The following FCSK variants were observed in gnomAD, a reference collection of about 807,000 sequenced individuals.
FCSK encodes fucose kinase, also known as L-fucose kinase.
In FCSK, 123 loss-of-function variants were observed where a neutral mutation model predicts 122.5. The observed-to-expected ratio is 1.00, with a 90% CI of 0.87 to 1.17. The LOEUF is 1.17. FCSK is among the 50% of genes most tolerant of loss of function. FCSK has a pLI of 0.00. For synonymous variants in FCSK, 620 were observed against 625.5 expected (o/e 0.99, Z 0.13); for missense variants, 1,366 against 1,450.4 (o/e 0.94, Z 0.95).
rs777607374 is a variant in FCSK at position 70,478,576 on chromosome 16, G to T, written c.2855G>T (p.Arg952Leu). 3 of 1,613,742 alleles carry T rather than the reference G, an allele frequency of 1.9e-6. No homozygotes were observed. In the South Asian group the frequency reaches 3.3e-5, roughly 18 times the overall value. Reference sequence around the variant, plus strand: ...GATGTGCTGAGGAGCTGGTATGCCCGACTTCCTGCTGTGGTGCAGAATGCC... The same window carrying T: ...GATGTGCTGAGGAGCTGGTATGCCCTACTTCCTGCTGTGGTGCAGAATGCC... ...LQDVLRSWYA[R>L]LPAVVQNAHS... Residue 952 changes from arginine to leucine, a missense_variant, in exon 22 of 24, where the codon CGA (arginine) becomes CTA (leucine). Coordinates refer to ENST00000288078, the MANE Select transcript of FCSK (RefSeq NM_145059.3).
At chr16:70,464,417 C>T (rs1398774561) in intron 3 of FCSK, among the ~76,000 whole-genome samples, 2 of 151,986 alleles carry the variant, frequency 1.3e-5, no homozygotes, top group East Asian at 1.9e-4. Context: ...TTTGGGAGGC[C>T]GAGGTGGGTG....
intron 3 of FCSK, among the ~76,000 whole-genome samples, 162 bp downstream of exon 3, chr16:70,463,936 A>C (rs191152548): frequency 7.2e-5 from 11 of 152,282 alleles, no homozygotes; most frequent in African/African-American, 2.6e-4. Flanking sequence ...CTTGCCGTTC[A>C]AGTGAGGGCA....
At chr16:70,464,884 A>C (rs1219890522) in intron 3 of FCSK, 1 of 732,676 alleles carries the variant, frequency 1.4e-6, no homozygotes, top group African/African-American at 1.8e-5. Flanking sequence ...TCTCAAAACA[A>C]CAACAACAAC....
chr16:70,466,490 C>T (rs185128230), intron 5 of FCSK: 21 of 527,222 alleles, frequency 4.0e-5, no homozygotes, highest in African/African-American at 3.2e-4. Context: ...GCCAAGAGTT[C>T]ATGACCAGCC....
At chr16:70,475,034 C>G (rs1436618908) in intron 18 of FCSK, 23 bp downstream of exon 18, 1 of 1,565,356 alleles carries the variant, frequency 6.4e-7, no homozygotes, top group Non-Finnish European at 8.6e-7. Flanking sequence ...GGGACCTCTG[C>G]AGGTGGGGCT....
chr16:70,463,003 C>T (rs1181371444), intron 1 of FCSK, among the ~76,000 whole-genome samples, 166 bp from the exon 2 acceptor site: 5 of 152,170 alleles, frequency 3.3e-5, no homozygotes, highest in South Asian at 2.1e-4. Context: ...GTTGTCAGGG[C>T]GTAGGCGGGG....
chr16:70,468,949 C>G lies in FCSK; in HGVS notation c.764C>G (p.Ser255Cys), dbSNP rs1225643670. The change falls in exon 9 of 24, where the codon TCC becomes TGC. Residue 255 changes from serine to cysteine, a missense_variant. By Grantham distance (112) the Ser-to-Cys change is moderately radical. Transcript: ENST00000288078. ...LDACTYLGLD[S>C]GARPVQLSLF... is the part of the protein sequence containing the mutation. Reference sequence around the variant, plus strand: ...GCCTGCACCTACCTAGGCTTGGACTCCGGAGCCCGGCCTGTCCAGGTGACT... The same window carrying G: ...GCCTGCACCTACCTAGGCTTGGACTGCGGAGCCCGGCCTGTCCAGGTGACT... 6.2e-7 allele frequency: 1 copy of G among 1,613,608 alleles called. No homozygotes were observed.
chr16:70,467,383 GGGACAGC>G lies in FCSK; in HGVS notation c.495_501del (p.Trp165CysfsTer7). On this transcript the variant is annotated frameshift_variant, in exon 7 of 24. Transcript: ENST00000288078. LOFTEE classifies it high-confidence loss of function. ...CTGCCCCACCCCACAGGTATCAGCT[GGGACAGC>G]TTCCGGGGAGCCAGAGTGATCGCCC... 1 of 1,608,408 alleles carries G rather than the reference GGGACAGC, an allele frequency of 6.2e-7. No individual in the cohort carries two copies. Among genetic ancestry groups the G allele is most frequent in the Non-Finnish European group, 8.5e-7 (1 of 1,177,838 alleles).
intron 1 of FCSK, 138 bp from the exon 2 acceptor site, chr16:70,463,031 G>A: frequency 1.9e-6 from 1 of 519,922 alleles, no homozygotes; most frequent in Admixed American, 3.2e-5. Context: ...GTTGCATGAG[G>A]AAGTTTTTTT....
At chr16:70,457,123 G>C (rs2048115292) in intron 1 of FCSK, among the ~76,000 whole-genome samples, 1 of 152,130 alleles carries the variant, frequency 6.6e-6, no homozygotes, top group South Asian at 2.1e-4. Context: ...ACCCAGGACT[G>C]TTCCTCTGCC....
intron 13 of FCSK, among the ~76,000 whole-genome samples, chr16:70,471,744 G>T (rs1026777047): frequency 2.0e-5 from 3 of 151,716 alleles, no homozygotes; most frequent in Non-Finnish European, 4.4e-5. Context: ...GACTACCAGC[G>T]TGCACCACCA....
intron 3 of FCSK, among the ~76,000 whole-genome samples, chr16:70,464,668 C>A (rs927156025): frequency 6.8e-6 from 1 of 147,702 alleles, no homozygotes; most frequent in Non-Finnish European, 1.5e-5. Context: ...CCATTGCACT[C>A]CATTCTGGGC....
chr16:70,459,397 C>T (rs984593924), intron 1 of FCSK, among the ~76,000 whole-genome samples: 6 of 151,734 alleles, frequency 4.0e-5, no homozygotes, highest in Non-Finnish European at 8.8e-5. Flanking sequence ...ATTAGTCAGG[C>T]GTGGTGGCAC....
intron 20 of FCSK, among the ~76,000 whole-genome samples, chr16:70,476,612 C>G (rs2048826834): frequency 1.3e-5 from 2 of 152,010 alleles, no homozygotes; most frequent in Non-Finnish European, 2.9e-5. Context: ...TGTCTGGTTT[C>G]AGGTCCACCT....
intron 22 of FCSK, chr16:70,478,962 T>A (rs1567715660): frequency 1.5e-6 from 1 of 672,918 alleles, no homozygotes; most frequent in Non-Finnish European, 2.7e-6. Context: ...CACAGCTCCC[T>A]AGATGCCGAC....
At chr16:70,467,696 A>G in intron 7 of FCSK, 190 bp from the exon 8 acceptor site, 1 of 640,178 alleles carries the variant, frequency 1.6e-6, no homozygotes, top group South Asian at 1.9e-5. Context: ...CAGGGCTGCA[A>G]AGACCTTTAA....
At chr16:70,465,679 C>G (rs954674547) in intron 4 of FCSK, among the ~76,000 whole-genome samples, 2 of 152,130 alleles carry the variant, frequency 1.3e-5, no homozygotes, top group African/African-American at 4.8e-5. Context: ...GGCGCAGTGG[C>G]TCACATCTGT....
chr16:70,471,044 G>GGAGCGTCCTGC lies in FCSK; in HGVS notation c.1143_1153dup (p.Gln385ArgfsTer15). On this transcript the variant is annotated frameshift_variant, in exon 12 of 24. Coordinates refer to ENST00000288078, the MANE Select transcript of FCSK (RefSeq NM_145059.3). LOFTEE classifies it high-confidence loss of function. ...GAGGGCCCTGTCCAGCTGGGTCCTGGGAGCGTCCTGCAGCACTGCCACCTG... is the reference window on the plus strand; with the variant it reads ...GAGGGCCCTGTCCAGCTGGGTCCTGGGAGCGTCCTGCGAGCGTCCTGCAGCACTGCCACCTG... The GGAGCGTCCTGC allele has an allele frequency of 1.2e-6, 2 of 1,602,908 alleles. No individual in the cohort carries two copies. Among genetic ancestry groups the GGAGCGTCCTGC allele is most frequent in the Non-Finnish European group, 1.7e-6 (2 of 1,176,980 alleles).
intron 20 of FCSK, 72 bp from the exon 21 acceptor site, chr16:70,478,200 G>T (rs544732666): frequency 6.6e-7 from 1 of 1,511,504 alleles, no homozygotes; most frequent in Non-Finnish European, 9.1e-7. Context: ...GGGGTGCAGG[G>T]CCGGGAGCCT....
Sources: allele counts gnomAD v4.1 joint callset (sites outside exome capture counted in the v4.1 genomes callset), GRCh38; gene constraint gnomAD v4.1.1; transcripts MANE v1.5; gene names NCBI Gene and HGNC (gene_info 2026-07-23, HGNC 2026-07-21).